The following GABBR2 variants were observed in gnomAD, a reference collection of about 807,000 sequenced individuals.
GABBR2 encodes the protein G-protein coupled receptor 51.
GABBR2 carries 23 observed loss-of-function variants against 105.6 expected under a neutral mutation model. That is an observed-to-expected ratio of 0.22 (90% CI 0.16 to 0.31). The LOEUF (loss-of-function observed/expected upper bound fraction) is 0.31, where lower values mean the gene tolerates loss of function less well. Among genes scored for constraint, GABBR2 ranks in the 10% least tolerant of loss-of-function variants. The pLI is 1.00. For synonymous variants in GABBR2, 478 were observed against 499.7 expected, an observed-to-expected ratio of 0.96 and a Z score of 0.58; for missense variants, 734 against 1,245.5, an observed-to-expected ratio of 0.59 and a Z score of 6.18.
At position 98,397,709 on chromosome 9, in the gene GABBR2, C is replaced by G. The variant is rs374774504; in HGVS notation, c.1298-3454G>C. 3.3e-5 allele frequency among the ~76,000 whole-genome samples: 5 copies of G among 152,290 alleles called. No individual in the cohort carries two copies. In the South Asian group the frequency reaches 6.2e-4, roughly 19 times the overall value. ...TTTAACAAGTTAACCTGTCCAAACC[C>G]TACCTGCCTCTTCCAGGAAGCCTTC... On this transcript the variant is annotated intron_variant, in intron 8 of 18. Transcript: ENST00000259455.
intron 7 of GABBR2, among the ~76,000 whole-genome samples, chr9:98,413,204 G>A (rs867775560): frequency 6.6e-5 from 10 of 152,162 alleles, no homozygotes; most frequent in Middle Eastern, 3.2e-3. Context: ...CAAGCCCATC[G>A]TGGACTGTTC....
chr9:98,370,780 G>T (rs1339446475), intron 12 of GABBR2, among the ~76,000 whole-genome samples: 2 of 152,184 alleles, frequency 1.3e-5, no homozygotes, highest in Non-Finnish European at 2.9e-5. Flanking sequence ...GGACAGTGGT[G>T]GATAAAGTTT....
In GABBR2 at chr9:98,624,087, C is replaced by T. The variant is rs77822344; in HGVS notation, c.322-46015G>A. ...GGCAGGTGCAGAGATGTTTGAGCCT[C>T]TCCATTTGGCTGGAGAGCCAAGGAC... On this transcript the variant is annotated intron_variant, in intron 1 of 18. Coordinates refer to ENST00000259455, the MANE Select transcript of GABBR2 (RefSeq NM_005458.8). Among the ~76,000 whole-genome samples, 860 of 152,290 alleles carry T rather than the reference C, an allele frequency of 5.6e-3. 22 individuals are homozygous for T. The highest frequency in any genetic ancestry group is 0.056 in the East Asian group (288 of 5,172).
intron 13 of GABBR2, among the ~76,000 whole-genome samples, chr9:98,343,534 G>A (rs1831250202): frequency 6.6e-6 from 1 of 152,030 alleles, no homozygotes; most frequent in African/African-American, 2.4e-5. Context: ...TTTACTTTTG[G>A]GGAAAATTAT....
chr9:98,595,834 A>G (rs1402042288), intron 1 of GABBR2, among the ~76,000 whole-genome samples: 1 of 152,126 alleles, frequency 6.6e-6, no homozygotes, highest in Non-Finnish European at 1.5e-5. Flanking sequence ...CAGAGTACAC[A>G]GCAATGGAGA....
intron 13 of GABBR2, among the ~76,000 whole-genome samples, chr9:98,316,049 C>CT (rs1830711106): frequency 6.6e-6 from 1 of 152,220 alleles, no homozygotes; most frequent in African/African-American, 2.4e-5. Context: ...GGGTCAGGGC[C>CT]TAAGCCCGGG....
chr9:98,542,126 T>A, intron 2 of GABBR2, 83 bp from the exon 3 acceptor site: 2 of 1,166,054 alleles, frequency 1.7e-6, no homozygotes, highest in Non-Finnish European at 2.5e-6. Flanking sequence ...GAATAGAGAC[T>A]GTTAGCTTCA....
At chr9:98,527,804 G>T (rs768211798) in intron 3 of GABBR2, among the ~76,000 whole-genome samples, 15 of 152,046 alleles carry the variant, frequency 9.9e-5, no homozygotes, top group Non-Finnish European at 2.1e-4. Context: ...AAAATGCCAA[G>T]AATTAAACTG....
At chr9:98,395,470 A>G (rs569531347) in intron 8 of GABBR2, among the ~76,000 whole-genome samples, 2 of 152,180 alleles carry the variant, frequency 1.3e-5, no homozygotes, top group East Asian at 1.9e-4. Context: ...AGTTGGAGGC[A>G]GGAATGAGAC....
At chr9:98,574,537 A>T (rs918106125) in intron 2 of GABBR2, among the ~76,000 whole-genome samples, 1 of 152,238 alleles carries the variant, frequency 6.6e-6, no homozygotes, top group Non-Finnish European at 1.5e-5. Flanking sequence ...ACCATGGAGC[A>T]AACACAAGCC....
intron 1 of GABBR2, among the ~76,000 whole-genome samples, chr9:98,650,680 A>C (rs1467880409): frequency 6.6e-6 from 1 of 152,232 alleles, no homozygotes; most frequent in Non-Finnish European, 1.5e-5. Context: ...GGGGGAGGCA[A>C]CCTACGTACA....
At chr9:98,396,282 A>T (rs1240849093) in intron 8 of GABBR2, among the ~76,000 whole-genome samples, 1 of 152,230 alleles carries the variant, frequency 6.6e-6, no homozygotes, top group East Asian at 1.9e-4. Context: ...GACCCTGGCC[A>T]GCAAAATGCC....
intron 3 of GABBR2, among the ~76,000 whole-genome samples, chr9:98,537,704 T>C (rs1828209679): frequency 6.6e-6 from 1 of 151,984 alleles, no homozygotes; most frequent in South Asian, 2.1e-4. Context: ...CCCAAAGTGA[T>C]GGAATTACAG....
chr9:98,450,681 A>G (rs562596274), intron 7 of GABBR2, among the ~76,000 whole-genome samples: 9 of 152,296 alleles, frequency 5.9e-5, no homozygotes, highest in African/African-American at 1.9e-4. Flanking sequence ...GAATTTGAGG[A>G]TATTTAAGAC....
At chr9:98,487,773 G>GTCCCCACTC (rs1374892975) in intron 4 of GABBR2, among the ~76,000 whole-genome samples, 1 of 152,022 alleles carries the variant, frequency 6.6e-6, no homozygotes, top group East Asian at 1.9e-4. Flanking sequence ...GTGAGACCCT[G>GTCCCCACTC]TCCCCACTCC....
At chr9:98,513,971 G>A (rs553155777) in intron 3 of GABBR2, among the ~76,000 whole-genome samples, 7 of 152,158 alleles carry the variant, frequency 4.6e-5, no homozygotes, top group East Asian at 1.9e-4. Flanking sequence ...TGTTTATTGC[G>A]GGACTATTCA....
intron 3 of GABBR2, among the ~76,000 whole-genome samples, chr9:98,529,643 TAAA>T (rs1304369476): frequency 1.2e-3 from 180 of 152,322 alleles, no homozygotes; most frequent in African/African-American, 3.9e-3. Flanking sequence ...TACTTTAAAA[TAAA>T]AATAACCACA....
intron 1 of GABBR2, among the ~76,000 whole-genome samples, chr9:98,634,588 G>A (rs1287658808): frequency 1.3e-5 from 2 of 152,166 alleles, no homozygotes; most frequent in Non-Finnish European, 2.9e-5. Flanking sequence ...GAGGCAAGGA[G>A]GATCCTGCCC....
intron 1 of GABBR2, among the ~76,000 whole-genome samples, chr9:98,592,938 G>A (rs187814232): frequency 6.6e-6 from 1 of 152,264 alleles, no homozygotes; most frequent in East Asian, 1.9e-4. Context: ...TCAGTCCATA[G>A]GGAGTTTCCC....
Sources: allele counts gnomAD v4.1 joint callset (sites outside exome capture counted in the v4.1 genomes callset), GRCh38; gene constraint gnomAD v4.1.1; transcripts MANE v1.5; gene names NCBI Gene and HGNC (gene_info 2026-07-23, HGNC 2026-07-21).